CRADD: variants seen among roughly 807,000 people sequenced by gnomAD.
CRADD encodes CARD and death domain containing adaptor protein.
In CRADD, 9 loss-of-function variants were observed where a neutral mutation model predicts 15.5. That is an observed-to-expected ratio of 0.58 (90% confidence interval 0.35 to 1.01). The LOEUF (loss-of-function observed/expected upper bound fraction) is 1.01, where lower values mean the gene tolerates loss of function less well. CRADD is among the 50% of genes least tolerant of loss of function. The pLI, the probability that CRADD is intolerant of heterozygous loss-of-function variation, is 0.02. For synonymous variants in CRADD, 118 were observed against 107.6 expected (o/e 1.10, Z -0.60); for missense variants, 227 against 250.3 (o/e 0.91, Z 0.63).
At chr12:93,840,412 T>C (rs904893171) in intron 2 of CRADD, among the ~76,000 whole-genome samples, 4 of 152,208 alleles carry the variant, frequency 2.6e-5, no homozygotes, top group Admixed American at 6.5e-5. Flanking sequence ...AAGTTGATCT[T>C]GTATCTGGCA....
At chr12:93,783,263 A>G (rs964920956) in intron 2 of CRADD, among the ~76,000 whole-genome samples, 2 of 137,744 alleles carry the variant, frequency 1.5e-5, no homozygotes, top group Middle Eastern at 7.6e-3. Flanking sequence ...TATTATTATT[A>G]TTATTATTAT....
At chr12:93,854,968 C>T (rs902516918), downstream of CRADD, among the ~76,000 whole-genome samples, 10 of 151,926 alleles carry the variant, frequency 6.6e-5, no homozygotes, top group South Asian at 2.1e-4. Flanking sequence ...CTGAGGCGGG[C>T]GGATCACTTG....
At chr12:93,695,089 C>G (rs1287244243) in intron 2 of CRADD, among the ~76,000 whole-genome samples, 1 of 152,168 alleles carries the variant, frequency 6.6e-6, no homozygotes, top group East Asian at 1.9e-4. Context: ...CTATACTAGT[C>G]AGAACAGCAT....
chr12:93,754,978 G>A (rs1454520875), intron 2 of CRADD, among the ~76,000 whole-genome samples: 2 of 151,514 alleles, frequency 1.3e-5, no homozygotes, highest in African/African-American at 2.4e-5. Context: ...AAAAAAAAAA[G>A]GGTTTAGTGG....
chr12:93,777,096 G>A (rs1957148424), intron 2 of CRADD, among the ~76,000 whole-genome samples: 3 of 152,204 alleles, frequency 2.0e-5, no homozygotes, highest in African/African-American at 4.8e-5. Flanking sequence ...GTATAGGATG[G>A]AAAGGATGAG....
At chr12:93,817,355 T>A (rs910253842) in intron 2 of CRADD, among the ~76,000 whole-genome samples, 4 of 152,214 alleles carry the variant, frequency 2.6e-5, no homozygotes, top group African/African-American at 4.8e-5. Flanking sequence ...ACAGGGAACG[T>A]GGAGCTTAAC....
chr12:93,770,262 AT>A (rs370616390), intron 2 of CRADD, among the ~76,000 whole-genome samples: 2 of 150,956 alleles, frequency 1.3e-5, no homozygotes, highest in Non-Finnish European at 1.5e-5. Flanking sequence ...CGCCCGGCTA[AT>A]TTTTTTTGTA....
intron 2 of CRADD, among the ~76,000 whole-genome samples, chr12:93,699,231 T>G (rs1955784048): frequency 6.6e-6 from 1 of 152,248 alleles, no homozygotes; most frequent in Non-Finnish European, 1.5e-5. Context: ...TATGAATATA[T>G]ATCATTATCT....
intron 2 of CRADD, among the ~76,000 whole-genome samples, chr12:93,775,877 C>A (rs12818832): frequency 0.36 from 54,568 of 151,648 alleles, 10,975 homozygotes; most frequent in East Asian, 0.6. Context: ...TTTCAGAGGA[C>A]TCTAGGACGT....
chr12:93,854,744 A>T (rs1958257480), downstream of CRADD, among the ~76,000 whole-genome samples: 2 of 152,144 alleles, frequency 1.3e-5, no homozygotes, highest in Non-Finnish European at 2.9e-5. Flanking sequence ...CCACCTGCTC[A>T]CTACCTGCTC....
intron 2 of CRADD, among the ~76,000 whole-genome samples, chr12:93,781,584 G>C (rs1223333691): frequency 6.6e-6 from 1 of 152,206 alleles, no homozygotes; most frequent in East Asian, 1.9e-4. Flanking sequence ...ATCACTAAAA[G>C]TGGAACAGCC....
intron 2 of CRADD, among the ~76,000 whole-genome samples, chr12:93,725,980 C>T (rs1431208470): frequency 6.6e-6 from 1 of 151,798 alleles, no homozygotes; most frequent in Non-Finnish European, 1.5e-5. Flanking sequence ...CCAGGGCTGA[C>T]TTCAAGACCT....
intron 2 of CRADD, among the ~76,000 whole-genome samples, chr12:93,883,878 A>G (rs1000672077): frequency 6.6e-6 from 1 of 152,172 alleles, no homozygotes; most frequent in Non-Finnish European, 1.5e-5. Flanking sequence ...ATGTCAAGCA[A>G]TGATTCATAT....
chr12:93,749,218 GC>G (rs1592958132), intron 2 of CRADD, among the ~76,000 whole-genome samples: 1 of 152,190 alleles, frequency 6.6e-6, no homozygotes, highest in Non-Finnish European at 1.5e-5. Flanking sequence ...GCAAGAATTA[GC>G]CATGCCAGTA....
chr12:93,885,441 CG>C (rs369206151), intron 2 of CRADD, among the ~76,000 whole-genome samples: 3 of 151,890 alleles, frequency 2.0e-5, no homozygotes, highest in African/African-American at 7.3e-5. Context: ...CTCGTGCCCC[CG>C]CCACCCCCCA....
At chr12:93,721,021 A>G (rs145225288) in intron 2 of CRADD, among the ~76,000 whole-genome samples, 77 of 151,836 alleles carry the variant, frequency 5.1e-4, no homozygotes, top group African/African-American at 1.8e-3. Flanking sequence ...TTTGCCTTTT[A>G]TGGTTTATTA....
chr12:93,767,986 A>C (rs1490738144), intron 2 of CRADD, among the ~76,000 whole-genome samples: 2 of 152,238 alleles, frequency 1.3e-5, no homozygotes, highest in East Asian at 3.8e-4. Context: ...ATACATTGGA[A>C]ACACTCTTAA....
intron 2 of CRADD, among the ~76,000 whole-genome samples, chr12:93,752,849 C>T (rs137871694): frequency 1.3e-5 from 2 of 152,258 alleles, no homozygotes; most frequent in African/African-American, 2.4e-5. Context: ...ATTGGACTTA[C>T]AGTTTTACAT....
rs377306846 is a variant in CRADD at position 93,850,203 on chromosome 12, C to G, written c.532C>G (p.Gln178Glu). The G allele has an allele frequency of 1.9e-6, 3 of 1,613,378 alleles. No individual in the cohort carries two copies. Among genetic ancestry groups the G allele is most frequent in the Non-Finnish European group, 2.5e-6 (3 of 1,179,610 alleles). Reference protein sequence around the residue: ...RQRFGKQATFQSLHNGLRAVE... With the variant: ...RQRFGKQATFESLHNGLRAVE... ...GCGCTTCGGGAAGCAGGCCACCTTCCAGAGCCTGCACAACGGGCTGCGGGC... is the reference window on the plus strand; with the variant it reads ...GCGCTTCGGGAAGCAGGCCACCTTCGAGAGCCTGCACAACGGGCTGCGGGC... Residue 178 changes from glutamine to glutamate, a missense_variant, in exon 3 of 3, where the codon CAG (glutamine) becomes GAG (glutamate). Physicochemically the swap from Gln to Glu is conservative, Grantham distance 29. Coordinates refer to ENST00000332896, the MANE Select transcript of CRADD (RefSeq NM_003805.5). The surrounding 1 kb of genome is among the most constrained non-coding windows in gnomAD (Gnocchi z 4.0).
Sources: gnomAD v4.1 joint callset for allele counts (sites outside exome capture counted in the v4.1 genomes callset) on GRCh38, gnomAD v4.1.1 for gene constraint, Gnocchi (gnomAD v3.1) non-coding constraint, MANE v1.5 for transcripts, NCBI Gene and HGNC (gene_info 2026-07-23, HGNC 2026-07-21) for gene names.